The following AOAH variants were observed in gnomAD, a reference collection of about 807,000 sequenced individuals.
The protein encoded by AOAH is acyloxyacyl hydrolase.
In AOAH, 64 loss-of-function variants were observed where a neutral mutation model predicts 92.2. That is an observed-to-expected ratio of 0.69 (90% CI 0.57 to 0.86). AOAH has a LOEUF of 0.86. Among genes scored for constraint, AOAH ranks in the 40% least tolerant of loss-of-function variants. The pLI, the probability that AOAH is intolerant of heterozygous loss-of-function variation, is 0.00. For missense variants in AOAH, 656 were observed against 694.6 expected (o/e 0.94, Z 0.62); for synonymous variants, 263 against 254.5 (o/e 1.03, Z -0.32).
At chr7:36,714,550 C>T (rs186243158) in intron 1 of AOAH, among the ~76,000 whole-genome samples, 3 of 152,266 alleles carry the variant, frequency 2.0e-5, no homozygotes, top group South Asian at 2.1e-4. Context: ...ACCAATATCC[C>T]TGATGAACAT....
intron 2 of AOAH, among the ~76,000 whole-genome samples, chr7:36,677,155 A>G (rs1313675925): frequency 6.6e-6 from 1 of 152,344 alleles, no homozygotes; most frequent in Non-Finnish European, 1.5e-5. Context: ...GACAGCCCAC[A>G]GAATGGGAGA....
intron 7 of AOAH, among the ~76,000 whole-genome samples, chr7:36,622,630 AC>A (rs1792364253): frequency 1.3e-5 from 2 of 152,328 alleles, no homozygotes; most frequent in South Asian, 4.1e-4. Context: ...AATTCACAAA[AC>A]CTTTCAAGGC....
At chr7:36,543,879 T>C (rs1217997054) in intron 15 of AOAH, among the ~76,000 whole-genome samples, 2 of 152,014 alleles carry the variant, frequency 1.3e-5, no homozygotes, top group Non-Finnish European at 2.9e-5. Flanking sequence ...CCAGATGCCA[T>C]AGAAGGTGGC....
At chr7:36,515,860 C>G (rs1397871473) in intron 20 of AOAH, among the ~76,000 whole-genome samples, 1 of 133,172 alleles carries the variant, frequency 7.5e-6, no homozygotes, top group Non-Finnish European at 1.6e-5. Flanking sequence ...CCCCCACATA[C>G]AGAAACACCA....
At chr7:36,654,660 G>A (rs12540585) in intron 4 of AOAH, among the ~76,000 whole-genome samples, 37,615 of 151,918 alleles carry the variant, frequency 0.25, 4,997 homozygotes, top group African/African-American at 0.33. Flanking sequence ...GACTGCTTGC[G>A]TCACATTATT....
intron 16 of AOAH, among the ~76,000 whole-genome samples, chr7:36,537,036 G>C (rs1181231963): frequency 3.3e-5 from 5 of 150,132 alleles, no homozygotes; most frequent in Non-Finnish European, 7.4e-5. Context: ...TGAGTGATGA[G>C]TCCTGTCAAA....
At chr7:36,515,755 T>C (rs1391926189) in intron 20 of AOAH, among the ~76,000 whole-genome samples, 62 of 32,968 alleles carry the variant, frequency 1.9e-3, no homozygotes, top group African/African-American at 2.7e-3. Flanking sequence ...CACCACACCC[T>C]TCACAACCCC....
rs781538967 is a variant in AOAH, at chr7:36,637,869, G to A, written c.432C>T (p.Val144=). ...TGCTTACCAGAATCGGGGACTTCTT[G>A]ACAATTTGTCTTGCCTTCTGTAGTG... ...KFTLQKARQI[V]KKSPILKYSR... is the part of the protein sequence containing the mutation. The change falls in exon 5 of 21, where the codon GTC becomes GTT. Residue 144 remains valine, a synonymous_variant. Coordinates refer to ENST00000617537, the MANE Select transcript of AOAH (RefSeq NM_001637.4). The A allele has an allele frequency of 1.2e-6, 2 of 1,614,054 alleles. No individual in the cohort carries two copies. The highest frequency in any genetic ancestry group is 2.2e-5 in the South Asian group (2 of 91,068).
chr7:36,549,492 A>C lies in AOAH; in HGVS notation c.1022-17T>G. 6.4e-7 allele frequency: 1 copy of C among 1,553,250 alleles called. No homozygotes were observed. Among genetic ancestry groups the C allele is most frequent in the Non-Finnish European group, 8.8e-7 (1 of 1,133,158 alleles). ...AAGATGCACCTGAATAATTAAAATT[A>C]AGAAAACAATTAAAGTTAGTGAGTT... is the stretch of plus-strand genomic sequence containing the variant. On this transcript the variant is annotated splice_polypyrimidine_tract_variant and intron_variant, in intron 13 of 20. Transcript: ENST00000617537.
At chr7:36,532,085 CTG>C (rs898524853) in intron 18 of AOAH, 60 bp downstream of exon 18, 19 of 1,590,810 alleles carry the variant, frequency 1.2e-5, no homozygotes, top group Non-Finnish European at 1.6e-5. Context: ...AGTGAAAACT[CTG>C]CAGCAAACAC....
chr7:36,596,167 C>CCCG, intron 11 of AOAH, among the ~76,000 whole-genome samples: 1 of 131,912 alleles, frequency 7.6e-6, no homozygotes, highest in African/African-American at 3.3e-5. Context: ...ATGAAAGCCC[C>CCCG]CCCACCCCCC....
At chr7:36,618,179 A>C in intron 10 of AOAH, 118 bp downstream of exon 10, 1 of 806,302 alleles carries the variant, frequency 1.2e-6, no homozygotes, top group Non-Finnish European at 2.1e-6. Flanking sequence ...GTTGGTCAGC[A>C]TAGAGTAAAT....
chr7:36,724,123 G>A lies in AOAH; in HGVS notation c.26C>T (p.Thr9Met), dbSNP rs769533119. 1.2e-5 allele frequency: 20 copies of A among 1,613,350 alleles called. No individual in the cohort carries two copies. The highest frequency in any genetic ancestry group is 2.2e-5 in the East Asian group (1 of 44,820). The change falls in exon 1 of 21, where the codon ACG (threonine) becomes ATG (methionine). Residue 9 changes from threonine (T) to methionine (M), a missense_variant. By Grantham distance (81) the Thr-to-Met change is moderately conservative. Coordinates refer to ENST00000617537, the MANE Select transcript of AOAH (RefSeq NM_001637.4). ...CAGGAGCAAGAATAGAGGCGCCACC[G>A]TAAGGATTTTCCAGGGGGACTGCAT... MQSPWKIL[T>M]VAPLFLLLSL...
chr7:36,554,687 A>G (rs1786558943), intron 13 of AOAH, among the ~76,000 whole-genome samples: 1 of 151,288 alleles, frequency 6.6e-6, no homozygotes, highest in South Asian at 2.1e-4. Flanking sequence ...TTCTCCTTGA[A>G]GAGGTCCTTC....
At chr7:36,624,994 C>T (rs145654611) in intron 6 of AOAH, among the ~76,000 whole-genome samples, 3 of 152,236 alleles carry the variant, frequency 2.0e-5, no homozygotes, top group South Asian at 2.1e-4. Flanking sequence ...CCTTGCACAG[C>T]TCTGTTTCCT....
intron 12 of AOAH, among the ~76,000 whole-genome samples, chr7:36,587,919 A>T (rs903691244): frequency 1.3e-5 from 2 of 152,200 alleles, no homozygotes; most frequent in Non-Finnish European, 2.9e-5. Flanking sequence ...ATGATTTGTT[A>T]TCAAGTAATT....
intron 1 of AOAH, among the ~76,000 whole-genome samples, chr7:36,700,339 A>G (rs770504836): frequency 4.6e-5 from 7 of 151,632 alleles, no homozygotes; most frequent in Admixed American, 1.3e-4. Flanking sequence ...CCCTTCCTTC[A>G]CTTCATCAGT....
intron 5 of AOAH, 35 bp downstream of exon 5, chr7:36,637,816 G>A (rs768488482): frequency 6.2e-7 from 1 of 1,603,946 alleles, no homozygotes; most frequent in African/African-American, 1.3e-5. Context: ...GACATGCCAA[G>A]GAAAAGGCTG....
At chr7:36,636,137 AATT>A (rs138811325) in intron 5 of AOAH, among the ~76,000 whole-genome samples, 4,529 of 152,286 alleles carry the variant, frequency 0.03, 219 homozygotes, top group African/African-American at 0.1. Context: ...ATCACAGTGG[AATT>A]ATTAATTACT....
Sources: allele counts gnomAD v4.1 joint callset (sites outside exome capture counted in the v4.1 genomes callset), GRCh38; gene constraint gnomAD v4.1.1; transcripts MANE v1.5; gene names NCBI Gene and HGNC (gene_info 2026-07-23, HGNC 2026-07-21).